SLC26A5: variants seen among roughly 807,000 people sequenced by gnomAD.
SLC26A5 encodes the protein solute carrier family 26 member 5.
A neutral mutation model predicts 81.0 loss-of-function variants in SLC26A5; 51 were observed. The ratio of observed to expected loss-of-function variants is 0.63; its 90% CI spans 0.50 to 0.80. The LOEUF (loss-of-function observed/expected upper bound fraction) is 0.80. Ranked by LOEUF, SLC26A5 falls within the 30% of genes least tolerant of loss-of-function variation. The pLI is 0.00. For missense variants in SLC26A5, 771 were observed against 905.8 expected, an observed-to-expected ratio of 0.85 and a Z score of 1.91; for synonymous variants, 325 against 332.8, an observed-to-expected ratio of 0.98 and a Z score of 0.25.
chr7:103,422,761 T>C (rs768487727), intron 2 of SLC26A5, among the ~76,000 whole-genome samples: 30 of 152,312 alleles, frequency 2.0e-4, no homozygotes, highest in Middle Eastern at 6.8e-3. Flanking sequence ...TTGAACTATA[T>C]ACCTCATAAT....
At chr7:103,424,612 GAA>G (rs1288475413) in intron 2 of SLC26A5, among the ~76,000 whole-genome samples, 1 of 152,144 alleles carries the variant, frequency 6.6e-6, no homozygotes, top group African/African-American at 2.4e-5. Flanking sequence ...ATGGCCCCTT[GAA>G]GAGAAAAGGA....
intron 2 of SLC26A5, among the ~76,000 whole-genome samples, chr7:103,433,079 T>C (rs750344232): frequency 1.5e-4 from 23 of 152,202 alleles, no homozygotes; most frequent in Non-Finnish European, 2.8e-4. Context: ...GTTTGCCTAA[T>C]ACTCTATTAA....
In SLC26A5 at chr7:103,367,963, C is replaced by G. The variant is rs1160902952; in HGVS notation, c.2041+8845G>C. The G allele has an allele frequency of 1.2e-6, 2 of 1,613,970 alleles. No individual in the cohort carries two copies. The highest frequency in any genetic ancestry group is 1.7e-6 in the Non-Finnish European group (2 of 1,180,028). On this transcript the variant is annotated intron_variant, in intron 19 of 19. Coordinates refer to the SLC26A5 transcript ENST00000339444. The surrounding 1 kb of genome is among the most constrained non-coding windows in gnomAD (Gnocchi z 6.1). ...GCCATCAGAGCACGGCGAAAAATTG[C>G]TACCGAGAAGGATTTCTTGGAAGCT...
In SLC26A5 at chr7:103,393,066, C is replaced by T; in HGVS notation, c.972G>A (p.Gly324=). ...TGTCCGGATTGGCTGGAGGTAGCAG[C>T]CTGAAAAGTCAAGCTGCCTTTAACT... ...NVDVVGTLPL[G]LLPPANPDTS... The change falls in exon 10 of 20, where the codon GGG becomes GGA. Residue 324 remains glycine (G), a splice_region_variant and synonymous_variant. Transcript: ENST00000306312. 6.2e-7 allele frequency: 1 copy of T among 1,613,884 alleles called. No homozygotes were observed. Among genetic ancestry groups the T allele is most frequent in the Non-Finnish European group, 8.5e-7 (1 of 1,179,832 alleles).
In SLC26A5 at chr7:103,367,755, G is replaced by C; in HGVS notation, c.2041+9053C>G. 6.2e-7 allele frequency: 1 copy of C among 1,614,006 alleles called. No individual in the cohort carries two copies. The highest frequency in any genetic ancestry group is 8.5e-7 in the Non-Finnish European group (1 of 1,179,934). On this transcript the variant is annotated intron_variant, in intron 19 of 19. Transcript: ENST00000339444. The surrounding 1 kb of genome is among the most constrained non-coding windows in gnomAD (Gnocchi z 6.1). ...TAAGATTCACGCTCGTTCAATGAGTGTTGAAAGAGATATCAGATTTGAACT... is the reference window on the plus strand; with the variant it reads ...TAAGATTCACGCTCGTTCAATGAGTCTTGAAAGAGATATCAGATTTGAACT...
intron 14 of SLC26A5, among the ~76,000 whole-genome samples, chr7:103,384,723 G>A (rs973570542): frequency 6.6e-6 from 1 of 152,104 alleles, no homozygotes; most frequent in Admixed American, 6.5e-5. Context: ...AATCATTCTA[G>A]GCTTCAGCTT....
At position 103,363,334 on chromosome 7, in the gene SLC26A5, C is replaced by G. The variant is rs778419258; in HGVS notation, c.2042-10408G>C. 5.6e-6 allele frequency: 9 copies of G among 1,599,134 alleles called. 1 individual carries two copies. Among genetic ancestry groups the G allele is most frequent in the South Asian group, 5.5e-5 (5 of 90,756 alleles). On this transcript the variant is annotated intron_variant, in intron 19 of 19. Transcript: ENST00000339444. ...TGACTGTATGTTGTACATTTCTGTCCCTCTCTTAGGTGGAAGAGAAACCTG... is the reference window on the plus strand; with the variant it reads ...TGACTGTATGTTGTACATTTCTGTCGCTCTCTTAGGTGGAAGAGAAACCTG...
At chr7:103,420,953 CCCTT>C in intron 3 of SLC26A5, 76 bp from the exon 4 acceptor site, 2 of 1,487,254 alleles carry the variant, frequency 1.3e-6, no homozygotes, top group Non-Finnish European at 1.9e-6. Context: ...AAAGCATTTT[CCCTT>C]CCTTATTCCC....
chr7:103,422,490 G>A (rs1825422924), intron 2 of SLC26A5, among the ~76,000 whole-genome samples: 1 of 152,064 alleles, frequency 6.6e-6, no homozygotes, highest in Admixed American at 6.6e-5. Flanking sequence ...TAAAACAATA[G>A]TATATGTTAT....
chr7:103,412,081 A>G (rs976363122), intron 5 of SLC26A5, among the ~76,000 whole-genome samples: 1 of 152,174 alleles, frequency 6.6e-6, no homozygotes, highest in Non-Finnish European at 1.5e-5. Context: ...GGAGGGAGGA[A>G]AAAGGGAGAG....
chr7:103,367,721 C>G lies in SLC26A5; in HGVS notation c.2041+9087G>C. 1.2e-6 allele frequency: 2 copies of G among 1,612,936 alleles called. No individual in the cohort carries two copies. Among genetic ancestry groups the G allele is most frequent in the East Asian group, 4.5e-5 (2 of 44,860 alleles). Reference sequence around the variant, plus strand: ...AATTTTCTCATTTTTAGGGTCGGACCCACATATTTAAGATTCACGCTCGTT... The same window carrying G: ...AATTTTCTCATTTTTAGGGTCGGACGCACATATTTAAGATTCACGCTCGTT... On this transcript the variant is annotated intron_variant, in intron 19 of 19. Coordinates refer to the SLC26A5 transcript ENST00000339444. This position sits in a 1 kb window ranked among gnomAD's most constrained non-coding sequence, Gnocchi z 6.1.
At chr7:103,420,289 CTTTTTTTTT>C (rs35755959) in intron 4 of SLC26A5, among the ~76,000 whole-genome samples, 1 of 90,578 alleles carries the variant, frequency 1.1e-5, no homozygotes, top group South Asian at 4.9e-4. Context: ...ATCCCTGGAG[CTTTTTTTTT>C]TTTTTTTTTT....
intron 14 of SLC26A5, among the ~76,000 whole-genome samples, chr7:103,386,439 C>T (rs1287245056): frequency 5.9e-5 from 9 of 151,694 alleles, no homozygotes; most frequent in East Asian, 2.0e-4. Flanking sequence ...TGGTGGCACG[C>T]GCCTGTAGTC....
At chr7:103,405,412 T>A (rs1474572423) in intron 8 of SLC26A5, among the ~76,000 whole-genome samples, 1 of 152,224 alleles carries the variant, frequency 6.6e-6, no homozygotes, top group Admixed American at 6.5e-5. Context: ...TCCTTTCTGT[T>A]TGTTAGTTTT....
rs549743252 is a variant in SLC26A5, at chr7:103,410,466, A to G, written c.654T>C (p.Ala218=). 5 of 1,614,112 alleles carry G rather than the reference A, an allele frequency of 3.1e-6. No homozygotes were observed. The highest frequency in any genetic ancestry group is 4.2e-6 in the Non-Finnish European group (5 of 1,179,948). ...PLVRGFTTAA[A]VHVFTSMLKY... is the part of the protein sequence containing the mutation. ...TTAACATGGAGGTGAAGACATGCAC[A>G]GCTGCTGCGGTGGTAAACCCACGGA... Residue 218 remains alanine (A), a synonymous_variant, in exon 7 of 20, where the codon GCT becomes GCC. Coordinates refer to ENST00000306312, the MANE Select transcript of SLC26A5 (RefSeq NM_198999.3).
intron 19 of SLC26A5, chr7:103,362,841 T>G: frequency 1.0e-5 from 11 of 1,063,064 alleles, no homozygotes; most frequent in Middle Eastern, 3.2e-4. Flanking sequence ...TTGTCCAGGC[T>G]GGAGTAGAAT....
Position 103,367,784 on chromosome 7 carries a change from A to C in SLC26A5, c.2041+9024T>G. 3.1e-6 allele frequency: 5 copies of C among 1,613,912 alleles called. No homozygotes were observed. The highest frequency in any genetic ancestry group is 4.2e-6 in the Non-Finnish European group (5 of 1,179,812). ...AAAGAGATATCAGATTTGAACTGTT[A>C]GCACGACTGTGTCCAAATAGCACTG... On this transcript the variant is annotated intron_variant, in intron 19 of 19. Coordinates refer to the SLC26A5 transcript ENST00000339444. This position sits in a 1 kb window ranked among gnomAD's most constrained non-coding sequence, Gnocchi z 6.1.
intron 8 of SLC26A5, among the ~76,000 whole-genome samples, chr7:103,404,413 T>C (rs1405522986): frequency 1.3e-5 from 2 of 152,220 alleles, no homozygotes; most frequent in African/African-American, 4.8e-5. Flanking sequence ...TGCTTGTCTG[T>C]AAAGGATTTC....
rs1170731288 is a variant in SLC26A5, at chr7:103,421,215, T to C, written c.152+148A>G. 3 of 857,572 alleles carry C rather than the reference T, an allele frequency of 3.5e-6. No individual in the cohort carries two copies. The African/African-American group carries it at 5.1e-5, about 14-fold the overall frequency. 53.1% of individuals were successfully genotyped at this position (857,572 alleles called of 1,614,324 possible). ...CTGTGTGCAAATATCTAACGCTGAC[T>C]GAACCTCGTGAACAGCTTTGCAAAC... On this transcript the variant is annotated intron_variant, in intron 3 of 19. Transcript: ENST00000306312.
Sources: allele counts gnomAD v4.1 joint callset (sites outside exome capture counted in the v4.1 genomes callset), GRCh38; gene constraint gnomAD v4.1.1; non-coding constraint Gnocchi (gnomAD v3.1); transcripts MANE v1.5; gene names NCBI Gene and HGNC (gene_info 2026-07-23, HGNC 2026-07-21).